SULT1B1: variants seen among roughly 807,000 people sequenced by gnomAD.
SULT1B1 encodes sulfotransferase family 1B member 1, also known as sulfotransferase 1B1.
SULT1B1 carries 28 observed loss-of-function variants against 34.6 expected under a neutral mutation model. The observed-to-expected ratio is 0.81, with a 90% CI of 0.60 to 1.11. The LOEUF is 1.11. Among genes scored for constraint, SULT1B1 ranks in the 50% least tolerant of loss-of-function variants. SULT1B1 has a pLI of 0.00. For synonymous variants in SULT1B1, 147 were observed against 110.2 expected, an observed-to-expected ratio of 1.33 and a Z score of -2.09; for missense variants, 374 against 352.2, an observed-to-expected ratio of 1.06 and a Z score of -0.50.
At chr4:69,733,812 T>A (rs759586426) in intron 5 of SULT1B1, among the ~76,000 whole-genome samples, 140 of 152,274 alleles carry the variant, frequency 9.2e-4, no homozygotes, top group Middle Eastern at 3.4e-3. Flanking sequence ...ACCTAAGTAC[T>A]ATAAATATGA....
In SULT1B1 at chr4:69,728,258, G is replaced by A. The variant is rs113342484; in HGVS notation, c.779-1058C>T. ...TCTGCATATAAATTTTATAATATAC[G>A]CAAACACATTTACTTCAAAAAAGAA... On this transcript the variant is annotated intron_variant, in intron 7 of 7. Coordinates refer to ENST00000310613, the MANE Select transcript of SULT1B1 (RefSeq NM_014465.4). Among the ~76,000 whole-genome samples, 730 of 152,004 alleles carry A rather than the reference G, an allele frequency of 4.8e-3. 5 individuals are homozygous for A. Among genetic ancestry groups the A allele is most frequent in the Non-Finnish European group, 8.0e-3 (545 of 67,882 alleles).
At chr4:69,757,493 A>G (rs1463370366) in intron 1 of SULT1B1, among the ~76,000 whole-genome samples, 1 of 152,170 alleles carries the variant, frequency 6.6e-6, no homozygotes, top group Non-Finnish European at 1.5e-5. Context: ...GTTAATTTGT[A>G]TAGAAAGAGG....
intron 4 of SULT1B1, among the ~76,000 whole-genome samples, chr4:69,743,533 G>T (rs1578058559): frequency 6.6e-6 from 1 of 152,158 alleles, no homozygotes; most frequent in Non-Finnish European, 1.5e-5. Context: ...TTGAAGGTGG[G>T]GCTTCACCCG....
intron 4 of SULT1B1, among the ~76,000 whole-genome samples, chr4:69,742,685 G>T (rs999510742): frequency 6.6e-6 from 1 of 152,144 alleles, no homozygotes; most frequent in African/African-American, 2.4e-5. Context: ...TGGCCCTCTG[G>T]GCTTGCTCCG....
rs558905982 is a variant in SULT1B1 at position 69,752,985 on chromosome 4, T to G, written c.277+1685A>C. Among the ~76,000 whole-genome samples, 7 of 152,336 alleles carry G rather than the reference T, an allele frequency of 4.6e-5. No homozygotes were observed. The East Asian group carries it at 1.3e-3, about 29-fold the overall frequency. On this transcript the variant is annotated intron_variant, in intron 3 of 7. Coordinates refer to ENST00000310613, the MANE Select transcript of SULT1B1 (RefSeq NM_014465.4). ...TTCTCACCTAACTTCTGCATGTTGA[T>G]GTTTTTCACAGCTCATTGCTTCTCT...
At position 69,725,561 on chromosome 4, in the gene SULT1B1, C is replaced by G. The variant is rs1272581553; in HGVS notation, c.*1527G>C. ...ATTATAAATCATGCTGCTATAAAGA[C>G]ACATGCACACGTATATTTATTGCGG... On this transcript the variant is annotated 3_prime_UTR_variant, in exon 8 of 8. Transcript: ENST00000310613. 6.6e-6 allele frequency: 1 copy of G among 152,088 alleles called. No homozygotes were observed. The highest frequency in any genetic ancestry group is 1.5e-5 in the Non-Finnish European group (1 of 68,022). 9.4% of individuals were successfully genotyped at this position (152,088 alleles called of 1,614,324 possible).
At chr4:69,730,860 ATC>A (rs1253078950) in intron 6 of SULT1B1, among the ~76,000 whole-genome samples, 179 bp from the exon 7 acceptor site, 3 of 152,212 alleles carry the variant, frequency 2.0e-5, no homozygotes, top group African/African-American at 7.2e-5. Flanking sequence ...AATCAAGAAT[ATC>A]TGTTATATTT....
At chr4:69,749,885 C>T in intron 3 of SULT1B1, 67 bp from the exon 4 acceptor site, 3 of 1,216,228 alleles carry the variant, frequency 2.5e-6, no homozygotes, top group Non-Finnish European at 2.4e-6. Flanking sequence ...CCTTATTTTG[C>T]CAACCAGTTT....
At chr4:69,737,020 A>C (rs1718346616) in intron 4 of SULT1B1, among the ~76,000 whole-genome samples, 1 of 151,324 alleles carries the variant, frequency 6.6e-6, no homozygotes, top group South Asian at 2.1e-4. Flanking sequence ...GAACTCAAAA[A>C]AAGGAAAAAA....
intron 1 of SULT1B1, 103 bp from the exon 2 acceptor site, chr4:69,755,364 C>T: frequency 1.2e-6 from 1 of 811,310 alleles, no homozygotes; most frequent in Non-Finnish European, 1.9e-6. Flanking sequence ...ACATTCTGCG[C>T]ACATGGAGAT....
intron 6 of SULT1B1, among the ~76,000 whole-genome samples, chr4:69,732,560 T>C (rs1225763682): frequency 6.6e-6 from 1 of 152,032 alleles, no homozygotes; most frequent in African/African-American, 2.4e-5. Context: ...TAATTTTCAT[T>C]GTAGATCTGA....
Position 69,744,543 on chromosome 4 carries a change from C to T in SULT1B1, c.375+5178G>A, listed in dbSNP as rs559037979. ...CTCTGGACTATAAAGGTGTTCCTAG[C>T]AGTCTCTGCAGGTTCCTTGTATTTT... On this transcript the variant is annotated intron_variant, in intron 4 of 7. Transcript: ENST00000310613. Among the ~76,000 whole-genome samples, 72 of 152,336 alleles carry T rather than the reference C, an allele frequency of 4.7e-4. 1 individual carries two copies. Among genetic ancestry groups the T allele is most frequent in the African/African-American group, 1.6e-3 (65 of 41,580 alleles).
intron 4 of SULT1B1, among the ~76,000 whole-genome samples, chr4:69,735,879 G>C (rs1344805741): frequency 6.6e-6 from 1 of 152,096 alleles, no homozygotes; most frequent in Admixed American, 6.6e-5. Flanking sequence ...GTACCTTCAT[G>C]AGAACCAAAA....
At chr4:69,757,412 G>C (rs552807157) in intron 1 of SULT1B1, among the ~76,000 whole-genome samples, 49 of 152,244 alleles carry the variant, frequency 3.2e-4, no homozygotes, top group African/African-American at 1.1e-3. Context: ...TATTTTGTAA[G>C]TAATTTGTGG....
At chr4:69,737,273 G>A (rs934529707) in intron 4 of SULT1B1, among the ~76,000 whole-genome samples, 2 of 151,938 alleles carry the variant, frequency 1.3e-5, no homozygotes, top group African/African-American at 4.8e-5. Flanking sequence ...CTCAAGAAGG[G>A]AAAAAAGACA....
chr4:69,756,833 G>T (rs545254146), intron 1 of SULT1B1, among the ~76,000 whole-genome samples: 9 of 152,260 alleles, frequency 5.9e-5, no homozygotes, highest in African/African-American at 1.9e-4. Flanking sequence ...ACTTCCAGGA[G>T]AGTCACCCTT....
At chr4:69,740,837 T>G (rs1343277449) in intron 4 of SULT1B1, among the ~76,000 whole-genome samples, 2 of 152,214 alleles carry the variant, frequency 1.3e-5, no homozygotes, top group Admixed American at 6.5e-5. Context: ...CTTTGTCAGA[T>G]GTATAGTTTG....
At chr4:69,755,828 G>A (rs1448606631) in intron 1 of SULT1B1, among the ~76,000 whole-genome samples, 1 of 152,020 alleles carries the variant, frequency 6.6e-6, no homozygotes, top group Non-Finnish European at 1.5e-5. Context: ...TGAGTTTACG[G>A]TTTCCATCAA....
At chr4:69,739,109 G>C (rs1157852100) in intron 4 of SULT1B1, among the ~76,000 whole-genome samples, 1 of 152,218 alleles carries the variant, frequency 6.6e-6, no homozygotes, top group Admixed American at 6.5e-5. Context: ...GGTGTTGAGT[G>C]TGTACAGCTT....
Sources: allele counts gnomAD v4.1 joint callset (sites outside exome capture counted in the v4.1 genomes callset), GRCh38; gene constraint gnomAD v4.1.1; transcripts MANE v1.5; gene names NCBI Gene and HGNC (gene_info 2026-07-23, HGNC 2026-07-21).